Variants in NEMP2 observed in about 807,000 individuals in gnomAD.
NEMP2 encodes UPF0571 transmembrane protein.
In NEMP2, 53 loss-of-function variants were observed where a neutral mutation model predicts 54.2. The ratio of observed to expected loss-of-function variants is 0.98; its 90% CI spans 0.78 to 1.23. The LOEUF is 1.23. NEMP2 is among the 50% of genes most tolerant of loss of function. The probability of loss-of-function intolerance (pLI) is 0.00; values close to 1 mark genes in which losing one functional copy is unlikely to be tolerated. For missense variants in NEMP2, 455 were observed against 511.3 expected, an observed-to-expected ratio of 0.89 and a Z score of 1.06; for synonymous variants, 197 against 190.3, an observed-to-expected ratio of 1.04 and a Z score of -0.29.
the NEMP2 span, chr2:190,625,414 G>C: frequency 6.6e-6 from 1 of 152,202 alleles, no homozygotes; most frequent in African/African-American, 2.4e-5. Flanking sequence ...CCTCAGAAAG[G>C]GGGAATGGGG....
the NEMP2 span, among the ~76,000 whole-genome samples, chr2:190,424,507 G>T: frequency 6.6e-6 from 1 of 151,862 alleles, no homozygotes; most frequent in Non-Finnish European, 1.5e-5. This position sits in a 1 kb window ranked among gnomAD's most constrained non-coding sequence, Gnocchi z 5.9. Flanking sequence ...AGCTAATTTT[G>T]TATTTTTAGT....
the NEMP2 span, among the ~76,000 whole-genome samples, chr2:190,623,742 C>T: frequency 1.3e-5 from 2 of 152,076 alleles, no homozygotes; most frequent in East Asian, 3.8e-4. Context: ...TGCTTCGGGA[C>T]ACTGGTCTAG....
chr2:190,646,523 T>G, the NEMP2 span, among the ~76,000 whole-genome samples: 13 of 152,384 alleles, frequency 8.5e-5, no homozygotes, highest in African/African-American at 2.6e-4. Flanking sequence ...CAGAATTGGA[T>G]GCTTAAAAGC....
the NEMP2 span, among the ~76,000 whole-genome samples, chr2:190,455,006 T>TATGTATATGTATATGTATA: frequency 7.6e-5 from 9 of 119,148 alleles, no homozygotes; most frequent in African/African-American, 2.3e-4. Flanking sequence ...GTATAATGTA[T>TATGTATATGTATATGTATA]ATGTATATGT....
the NEMP2 span, chr2:190,490,000 G>A: frequency 2.0e-5 from 13 of 655,880 alleles, no homozygotes; most frequent in South Asian, 1.3e-4. The surrounding 1 kb of genome is among the most constrained non-coding windows in gnomAD (Gnocchi z 6.6). Context: ...GTGGCGTATC[G>A]ATGAATTCAT....
the NEMP2 span, among the ~76,000 whole-genome samples, chr2:190,595,041 C>T: frequency 2.5e-4 from 38 of 152,016 alleles, no homozygotes; most frequent in South Asian, 2.1e-3. The surrounding 1 kb of genome is among the most constrained non-coding windows in gnomAD (Gnocchi z 4.0). Context: ...GAAAGCTTGC[C>T]GAGTACACTC....
At chr2:190,462,760 CAT>C in the NEMP2 span, among the ~76,000 whole-genome samples, 1 of 152,168 alleles carries the variant, frequency 6.6e-6, no homozygotes, top group African/African-American at 2.4e-5. This position sits in a 1 kb window ranked among gnomAD's most constrained non-coding sequence, Gnocchi z 5.7. Flanking sequence ...TGCCCCAAGT[CAT>C]ATCTTGGAAA....
the NEMP2 span, among the ~76,000 whole-genome samples, chr2:190,584,122 G>T: frequency 3.9e-5 from 6 of 152,282 alleles, no homozygotes; most frequent in African/African-American, 1.4e-4. The surrounding 1 kb of genome is among the most constrained non-coding windows in gnomAD (Gnocchi z 4.2). Context: ...GTCTCTGGGG[G>T]CTAGAATGAA....
chr2:190,574,578 A>G, the NEMP2 span, among the ~76,000 whole-genome samples: 63 of 152,190 alleles, frequency 4.1e-4, 1 homozygote, highest in South Asian at 0.01. Context: ...GAATATTTTC[A>G]TCATCTCAAA....
At chr2:190,621,977 T>C in the NEMP2 span, among the ~76,000 whole-genome samples, 1 of 152,040 alleles carries the variant, frequency 6.6e-6, no homozygotes, top group African/African-American at 2.4e-5. Flanking sequence ...CAGGGTGGCA[T>C]TCACCTGTAG....
chr2:190,538,459 T>C (rs188300328), upstream of NEMP2, among the ~76,000 whole-genome samples: 19 of 152,348 alleles, frequency 1.2e-4, no homozygotes, highest in Admixed American at 1.1e-3. The surrounding 1 kb of genome is among the most constrained non-coding windows in gnomAD (Gnocchi z 4.1). Flanking sequence ...CTCTTTGATA[T>C]ACTAATTTCC....
the NEMP2 span, among the ~76,000 whole-genome samples, chr2:190,461,747 A>G: frequency 6.6e-6 from 1 of 152,146 alleles, no homozygotes; most frequent in African/African-American, 2.4e-5. This position sits in a 1 kb window ranked among gnomAD's most constrained non-coding sequence, Gnocchi z 5.5. Flanking sequence ...CCTTCATACT[A>G]TCATCACATT....
At chr2:190,434,182 CA>C in the NEMP2 span, among the ~76,000 whole-genome samples, 35 of 129,754 alleles carry the variant, frequency 2.7e-4, no homozygotes, top group Non-Finnish European at 3.2e-4. This position sits in a 1 kb window ranked among gnomAD's most constrained non-coding sequence, Gnocchi z 4.3. Context: ...CCCTGTCTCT[CA>C]AAAAAAAAAA....
At position 190,534,659 on chromosome 2, in the gene NEMP2, G is replaced by A; in HGVS notation, c.-4C>T. 1 of 1,312,304 alleles carries A rather than the reference G, an allele frequency of 7.6e-7. No individual in the cohort carries two copies. Among genetic ancestry groups the A allele is most frequent in the Non-Finnish European group, 9.7e-7 (1 of 1,033,462 alleles). The allele number at this position is 1,312,304 out of a possible 1,614,324, so 81.3% of individuals were successfully genotyped here. A position where few individuals can be genotyped will look rare whatever the true frequency, so the allele number is the denominator to read the frequency against. On this transcript the variant is annotated 5_prime_UTR_variant, in exon 1 of 9. The change creates a new upstream start codon in the 5' untranslated region. Transcript: ENST00000409150. Reference sequence around the variant, plus strand: ...ACCGCCCTTGGCGCGGCCCCATTTCGTTAGGGGTCAGCTCCGTGCGACCCG... The same window carrying A: ...ACCGCCCTTGGCGCGGCCCCATTTCATTAGGGGTCAGCTCCGTGCGACCCG...
chr2:190,485,653 T>G, the NEMP2 span, among the ~76,000 whole-genome samples: 1 of 152,174 alleles, frequency 6.6e-6, no homozygotes, highest in Non-Finnish European at 1.5e-5. This position sits in a 1 kb window ranked among gnomAD's most constrained non-coding sequence, Gnocchi z 5.1. Flanking sequence ...CACTCATAAT[T>G]AAGACTATCC....
chr2:190,501,348 A>G (rs1366784987), downstream of NEMP2: 1 of 152,236 alleles, frequency 6.6e-6, no homozygotes, highest in Non-Finnish European at 1.5e-5. Context: ...ATTCGTTCTC[A>G]TGAAGACACA....
At chr2:190,534,393 G>A (rs1189249960) in intron 1 of NEMP2, 166 bp downstream of exon 1, 1 of 1,211,386 alleles carries the variant, frequency 8.3e-7, no homozygotes, top group Non-Finnish European at 1.0e-6. Flanking sequence ...AGTAAGACAG[G>A]AAGGGCGGGC....
the NEMP2 span, among the ~76,000 whole-genome samples, chr2:190,475,215 G>C: frequency 6.6e-6 from 1 of 152,176 alleles, no homozygotes; most frequent in East Asian, 1.9e-4. Context: ...TTCTGGCCAG[G>C]GCAATCAGGC....
At chr2:190,497,473 C>T in the NEMP2 span, 427 of 1,614,102 alleles carry the variant, frequency 2.6e-4, 1 homozygote, top group Middle Eastern at 2.5e-3. This position sits in a 1 kb window ranked among gnomAD's most constrained non-coding sequence, Gnocchi z 5.2. Context: ...TTCCTGTTCC[C>T]TCCAGTCCCG....
Sources: gnomAD v4.1 joint callset for allele counts (sites outside exome capture counted in the v4.1 genomes callset) on GRCh38, gnomAD v4.1.1 for gene constraint, Gnocchi (gnomAD v3.1) non-coding constraint, MANE v1.5 for transcripts, NCBI Gene and HGNC (gene_info 2026-07-23, HGNC 2026-07-21) for gene names.